Variants in FOXP2 observed in about 807,000 individuals in gnomAD.
FOXP2 encodes the protein forkhead box protein P2.
Under a neutral mutation model 115.8 loss-of-function variants are expected in FOXP2, and 12 were observed. The observed-to-expected ratio is 0.10, with a 90% CI of 0.07 to 0.17. The LOEUF (loss-of-function observed/expected upper bound fraction) is 0.17, where lower values mean the gene tolerates loss of function less well. FOXP2 is among the 10% of genes least tolerant of loss of function. FOXP2 has a pLI of 1.00. For synonymous variants in FOXP2, 328 were observed against 297.7 expected, an observed-to-expected ratio of 1.10 and a Z score of -1.05; for missense variants, 629 against 843.5, an observed-to-expected ratio of 0.75 and a Z score of 3.15.
chr7:114,308,365 T>C (rs1797067083), intron 2 of FOXP2, among the ~76,000 whole-genome samples: 1 of 152,128 alleles, frequency 6.6e-6, no homozygotes, highest in Non-Finnish European at 1.5e-5. Context: ...TAGTTTGAAC[T>C]CCCTAGGTCT....
intron 6 of FOXP2, among the ~76,000 whole-genome samples, chr7:114,636,532 A>T (rs910742323): frequency 6.6e-6 from 1 of 152,116 alleles, no homozygotes; most frequent in Non-Finnish European, 1.5e-5. Flanking sequence ...AATTAACAGT[A>T]TACATACTTT....
At chr7:114,551,654 A>C (rs1425409198) in intron 3 of FOXP2, among the ~76,000 whole-genome samples, 1 of 152,210 alleles carries the variant, frequency 6.6e-6, no homozygotes, top group Non-Finnish European at 1.5e-5. Flanking sequence ...TTAAAAGGAA[A>C]ATGGGAGAGT....
intron 1 of FOXP2, among the ~76,000 whole-genome samples, chr7:114,280,123 A>G (rs564247265): frequency 6.8e-6 from 1 of 146,390 alleles, no homozygotes; most frequent in African/African-American, 2.5e-5. Flanking sequence ...TAAATAAATA[A>G]AAACAGGTGG....
At chr7:114,347,735 G>A (rs2129185197) in intron 2 of FOXP2, among the ~76,000 whole-genome samples, 1 of 152,142 alleles carries the variant, frequency 6.6e-6, no homozygotes, top group South Asian at 2.1e-4. Flanking sequence ...GCAGAGGTAT[G>A]TGAGTAATGC....
chr7:114,289,274 T>G (rs1584610703), intron 2 of FOXP2, among the ~76,000 whole-genome samples: 1 of 151,894 alleles, frequency 6.6e-6, no homozygotes, highest in Non-Finnish European at 1.5e-5. Flanking sequence ...TAATTTATGA[T>G]GTAAGTAAGG....
chr7:114,142,324 A>G (rs2129147239), intron 1 of FOXP2, among the ~76,000 whole-genome samples: 1 of 152,166 alleles, frequency 6.6e-6, no homozygotes, highest in African/African-American at 2.4e-5. Flanking sequence ...ACCTGGCTAG[A>G]TTTTTTTCTA....
chr7:114,659,508 A>G (rs748555812), intron 12 of FOXP2, 64 bp from the exon 13 acceptor site: 2 of 1,571,296 alleles, frequency 1.3e-6, no homozygotes, highest in African/African-American at 1.4e-5. Flanking sequence ...TGGATGAGAA[A>G]GTGTCATCTA....
intron 2 of FOXP2, among the ~76,000 whole-genome samples, chr7:114,449,806 C>T (rs184553799): frequency 6.6e-6 from 1 of 152,100 alleles, no homozygotes; most frequent in Non-Finnish European, 1.5e-5. Context: ...TACCTGTATT[C>T]CATTAAGTCT....
intron 1 of FOXP2, among the ~76,000 whole-genome samples, chr7:114,266,612 CT>C (rs1795901784): frequency 6.6e-6 from 1 of 152,148 alleles, no homozygotes; most frequent in Non-Finnish European, 1.5e-5. Flanking sequence ...GGAATCCATC[CT>C]TATGCCCCCA....
intron 8 of FOXP2, chr7:114,645,158 ATATATATATATATATATATAT>A (rs1486819577): frequency 7.5e-6 from 1 of 132,772 alleles, no homozygotes; most frequent in East Asian, 2.2e-4. Flanking sequence ...ATATATATAT[ATATATATATATATATATATAT>A]TTCAGTAAAC....
intron 2 of FOXP2, among the ~76,000 whole-genome samples, chr7:114,359,401 C>G (rs1373653801): frequency 1.3e-5 from 2 of 152,174 alleles, no homozygotes; most frequent in African/African-American, 4.8e-5. Flanking sequence ...GGGGTGGGAG[C>G]CCCCACAAAT....
chr7:114,353,739 A>G (rs760934916), intron 2 of FOXP2, among the ~76,000 whole-genome samples: 2 of 152,022 alleles, frequency 1.3e-5, no homozygotes, highest in African/African-American at 4.8e-5. Flanking sequence ...CTCTACTGTC[A>G]TCTACTGATC....
chr7:114,410,626 A>C (rs1793140232), upstream of FOXP2, among the ~76,000 whole-genome samples: 1 of 152,156 alleles, frequency 6.6e-6, no homozygotes, highest in South Asian at 2.1e-4. Flanking sequence ...CTACCATAAA[A>C]AGTATGGCAG....
At chr7:114,641,448 G>T (rs1265190627) in intron 6 of FOXP2, among the ~76,000 whole-genome samples, 1 of 152,122 alleles carries the variant, frequency 6.6e-6, no homozygotes, top group South Asian at 2.1e-4. Flanking sequence ...AGTCATAAAT[G>T]AAGGAGAAGT....
chr7:114,520,559 G>C (rs1378495628), intron 2 of FOXP2, among the ~76,000 whole-genome samples: 1 of 151,996 alleles, frequency 6.6e-6, no homozygotes, highest in Non-Finnish European at 1.5e-5. Flanking sequence ...AAAGGAGTTA[G>C]AAAATAAATA....
rs186278099 is a variant in FOXP2 at position 114,153,050 on chromosome 7, T to C, written c.-246-9894T>C. Among the ~76,000 whole-genome samples, 24 of 152,294 alleles carry C rather than the reference T, an allele frequency of 1.6e-4. No homozygotes were observed. In the East Asian group the frequency reaches 4.6e-3, roughly 29 times the overall value. ...AAGTATTATTTGTTTATAGATCTTA[T>C]TGCTTATGGGAAAGAAATTGTCAAA... On this transcript the variant is annotated intron_variant, in intron 1 of 19. Coordinates refer to the FOXP2 transcript ENST00000635638.
chr7:114,563,996 C>T lies in FOXP2; in HGVS notation c.258+29290C>T, dbSNP rs544515194. Among the ~76,000 whole-genome samples, 448 of 152,254 alleles carry T rather than the reference C, an allele frequency of 2.9e-3. 1 individual carries two copies. The highest frequency in any genetic ancestry group is 3.9e-3 in the Non-Finnish European group (263 of 68,020). ...TACCAGAAGTAACTGTCTAATGAAT[C>T]TTTGGGAATCTTAGGCTGCCAGCCA... On this transcript the variant is annotated intron_variant, in intron 3 of 16. Transcript: ENST00000350908.
intron 1 of FOXP2, among the ~76,000 whole-genome samples, chr7:114,181,701 ACAGT>A (rs1793461459): frequency 6.6e-6 from 1 of 152,098 alleles, no homozygotes; most frequent in South Asian, 2.1e-4. Flanking sequence ...TTTGTTTGAT[ACAGT>A]CATTGTTTAA....
chr7:114,357,579 G>T (rs1791646220), intron 2 of FOXP2, among the ~76,000 whole-genome samples: 1 of 152,034 alleles, frequency 6.6e-6, no homozygotes, highest in Non-Finnish European at 1.5e-5. Flanking sequence ...CGGTTCTTTG[G>T]CCACCTCTTA....
Sources: allele counts gnomAD v4.1 joint callset (sites outside exome capture counted in the v4.1 genomes callset), GRCh38; gene constraint gnomAD v4.1.1; transcripts MANE v1.5; gene names NCBI Gene and HGNC (gene_info 2026-07-23, HGNC 2026-07-21).